Variants in ITPKB observed in about 807,000 individuals in gnomAD.
ITPKB encodes inositol-trisphosphate 3-kinase B.
ITPKB carries 13 observed loss-of-function variants against 69.4 expected under a neutral mutation model. The ratio of observed to expected loss-of-function variants is 0.19; its 90% confidence interval spans 0.12 to 0.30. ITPKB has a LOEUF of 0.30. ITPKB is among the 10% of genes least tolerant of loss of function. The pLI is 1.00. For synonymous variants in ITPKB, 584 were observed against 513.7 expected (o/e 1.14, Z -1.85); for missense variants, 1,240 against 1,250.5 (o/e 0.99, Z 0.13).
At chr1:226,682,693 C>G (rs1258461739) in intron 2 of ITPKB, among the ~76,000 whole-genome samples, 1 of 152,152 alleles carries the variant, frequency 6.6e-6, no homozygotes, top group Non-Finnish European at 1.5e-5. Context: ...TGTGGGCTGA[C>G]AGTACCCTTC....
At position 226,728,772 on chromosome 1, in the gene ITPKB, T is replaced by TACTCTCC. The variant is rs1210444358; in HGVS notation, c.1932+6748_1932+6754dup. 6.6e-5 allele frequency among the ~76,000 whole-genome samples: 10 copies of TACTCTCC among 150,816 alleles called. No individual in the cohort carries two copies. In the East Asian group the frequency reaches 2.0e-3, roughly 30 times the overall value. Reference sequence around the variant, plus strand: ...GCTCACCACTCCATGAGGTCACACTTACTCTCCCCATTTTTCAGAGAGCTT... The same window carrying TACTCTCC: ...GCTCACCACTCCATGAGGTCACACTTACTCTCCACTCTCCCCATTTTTCAGAGAGCTT... On this transcript the variant is annotated intron_variant, in intron 2 of 7. Coordinates refer to ENST00000429204, the MANE Select transcript of ITPKB (RefSeq NM_002221.4).
chr1:226,637,120 C>A lies in ITPKB; in HGVS notation c.2625+559G>T, dbSNP rs567950808. ...TGTGTCATGTGGCTGGGGACCTGGA[C>A]TCCCCATGTCAGGGTCTCACACCCC... On this transcript the variant is annotated intron_variant, in intron 7 of 7. Transcript: ENST00000429204. The surrounding 1 kb of genome is among the most constrained non-coding windows in gnomAD (Gnocchi z 4.3). 2.0e-5 allele frequency among the ~76,000 whole-genome samples: 3 copies of A among 152,204 alleles called. No homozygotes were observed. The Middle Eastern group carries it at 0.01, about 518-fold the overall frequency.
At chr1:226,701,774 T>C (rs185742749) in intron 2 of ITPKB, among the ~76,000 whole-genome samples, 54 of 152,196 alleles carry the variant, frequency 3.5e-4, no homozygotes, top group African/African-American at 1.1e-3. Context: ...GCGCCTGAAA[T>C]GAGTACACAC....
At chr1:226,705,786 CCT>C (rs1477936342) in intron 2 of ITPKB, among the ~76,000 whole-genome samples, 1 of 152,170 alleles carries the variant, frequency 6.6e-6, no homozygotes. Context: ...TCTCCTGACC[CCT>C]GAGGACAGAT....
At chr1:226,638,822 G>A (rs1447776592) in intron 6 of ITPKB, among the ~76,000 whole-genome samples, 1 of 151,840 alleles carries the variant, frequency 6.6e-6, no homozygotes, top group African/African-American at 2.4e-5. Flanking sequence ...TGCACGCTTG[G>A]CATGACACCT....
In ITPKB at chr1:226,632,612, C is replaced by G. The variant is rs891612129; in HGVS notation, c.*2059G>C. 6.6e-6 allele frequency: 1 copy of G among 152,608 alleles called. No individual in the cohort carries two copies. The highest frequency in any genetic ancestry group is 2.4e-5 in the African/African-American group (1 of 41,452). 9.5% of individuals were successfully genotyped at this position (152,608 alleles called of 1,614,324 possible). A position where few individuals can be genotyped will look rare whatever the true frequency, so the allele number is the denominator to read the frequency against. ...TTCACATATTTAATGTAACCCACAG[C>G]CAAGTATTGCCAATAAGAGGCCCCA... is the stretch of plus-strand genomic sequence containing the variant. On this transcript the variant is annotated 3_prime_UTR_variant, in exon 8 of 8. Coordinates refer to ENST00000429204, the MANE Select transcript of ITPKB (RefSeq NM_002221.4).
At chr1:226,660,735 C>G (rs1052812997) in intron 2 of ITPKB, among the ~76,000 whole-genome samples, 3 of 152,166 alleles carry the variant, frequency 2.0e-5, no homozygotes, top group Non-Finnish European at 4.4e-5. Context: ...AGGGGACCAA[C>G]AATAGGAGGA....
At chr1:226,691,563 A>G (rs1181264442) in intron 2 of ITPKB, among the ~76,000 whole-genome samples, 1 of 152,238 alleles carries the variant, frequency 6.6e-6, no homozygotes, top group Non-Finnish European at 1.5e-5. Flanking sequence ...GAAATTTGCA[A>G]AACAGTATTT....
intron 2 of ITPKB, among the ~76,000 whole-genome samples, chr1:226,697,764 G>C (rs936176621): frequency 2.6e-5 from 4 of 152,198 alleles, no homozygotes; most frequent in African/African-American, 7.2e-5. Context: ...CAATTCTCTA[G>C]GGTCCTCTGC....
At chr1:226,689,610 T>TGTGTGTGTGTGC (rs1553255322) in intron 2 of ITPKB, among the ~76,000 whole-genome samples, 1 of 147,406 alleles carries the variant, frequency 6.8e-6, no homozygotes, top group East Asian at 2.0e-4. Flanking sequence ...TGTGTGTGTG[T>TGTGTGTGTGTGC]GTGCATGCAT....
rs1243003056 is a variant in ITPKB, at chr1:226,738,610, C to A, written c.-206+431G>T. 6.6e-6 allele frequency among the ~76,000 whole-genome samples: 1 copy of A among 152,164 alleles called. No individual in the cohort carries two copies. The highest frequency in any genetic ancestry group is 1.5e-5 in the Non-Finnish European group (1 of 68,008). ...CGGAGGAACTTAGGGGCGTGCATGG[C>A]TGCAGCCGGGCAGCAGCCCTAGGTG... On this transcript the variant is annotated intron_variant, in intron 1 of 7. Coordinates refer to ENST00000429204, the MANE Select transcript of ITPKB (RefSeq NM_002221.4). This position sits in a 1 kb window ranked among gnomAD's most constrained non-coding sequence, Gnocchi z 4.2.
At chr1:226,727,512 C>T (rs1383488008) in intron 2 of ITPKB, among the ~76,000 whole-genome samples, 2 of 152,116 alleles carry the variant, frequency 1.3e-5, no homozygotes, top group Admixed American at 1.3e-4. Context: ...GCAGGCTGAA[C>T]GCTCCCTGTA....
chr1:226,732,297 G>C (rs1256945088), intron 2 of ITPKB, among the ~76,000 whole-genome samples: 1 of 152,092 alleles, frequency 6.6e-6, no homozygotes, highest in Non-Finnish European at 1.5e-5. Context: ...GCAGTGCAGT[G>C]GTACAATCTC....
At chr1:226,722,371 A>G (rs1657269141) in intron 2 of ITPKB, among the ~76,000 whole-genome samples, 1 of 152,190 alleles carries the variant, frequency 6.6e-6, no homozygotes, top group Admixed American at 6.5e-5. Context: ...AATGCCAAAG[A>G]CAGGATGCCA....
chr1:226,719,033 G>C (rs1210046245), intron 2 of ITPKB, among the ~76,000 whole-genome samples: 1 of 152,224 alleles, frequency 6.6e-6, no homozygotes, highest in Non-Finnish European at 1.5e-5. Context: ...TCAGCACTTT[G>C]GGAGGCCGAG....
intron 2 of ITPKB, among the ~76,000 whole-genome samples, chr1:226,703,568 G>A (rs958324067): frequency 3.9e-5 from 6 of 152,186 alleles, no homozygotes; most frequent in Admixed American, 3.9e-4. Context: ...CGCGGCCGGG[G>A]AGGGGGCGCC....
Position 226,635,948 on chromosome 1 carries a change from TGCAGG to T in ITPKB, c.2626-1067_2626-1063del, listed in dbSNP as rs1436127846. Among the ~76,000 whole-genome samples, 8 of 152,336 alleles carry T rather than the reference TGCAGG, an allele frequency of 5.3e-5. No individual in the cohort carries two copies. In the South Asian group the frequency reaches 6.2e-4, roughly 12 times the overall value. On this transcript the variant is annotated intron_variant, in intron 7 of 7. Coordinates refer to ENST00000429204, the MANE Select transcript of ITPKB (RefSeq NM_002221.4). ...CAGGTGACATTCCAGCTTCCAGCAG[TGCAGG>T]GCAGGTGGGGCCCCTGGCGAGGCTG...
At chr1:226,721,361 A>G (rs905049887) in intron 2 of ITPKB, among the ~76,000 whole-genome samples, 31 of 151,852 alleles carry the variant, frequency 2.0e-4, no homozygotes, top group African/African-American at 7.5e-4. Context: ...AAAAAAAAAA[A>G]AAAAAAAAGA....
At chr1:226,670,239 G>C (rs989150954) in intron 2 of ITPKB, among the ~76,000 whole-genome samples, 9 of 148,252 alleles carry the variant, frequency 6.1e-5, no homozygotes, top group Non-Finnish European at 5.9e-5. Context: ...GTGAGGAGGA[G>C]AGTAAGGTGT....
Sources: allele counts gnomAD v4.1 joint callset (sites outside exome capture counted in the v4.1 genomes callset), GRCh38; gene constraint gnomAD v4.1.1; non-coding constraint Gnocchi (gnomAD v3.1); transcripts MANE v1.5; gene names NCBI Gene and HGNC (gene_info 2026-07-23, HGNC 2026-07-21).